PROSER3: variants seen among roughly 807,000 people sequenced by gnomAD.
PROSER3 encodes proline and serine rich 3.
A neutral mutation model predicts 50.2 loss-of-function variants in PROSER3; 33 were observed. That is an observed-to-expected ratio of 0.66 (90% CI 0.50 to 0.88). PROSER3 has a LOEUF of 0.88. PROSER3 is among the 40% of genes least tolerant of loss of function. The pLI, the probability that PROSER3 is intolerant of heterozygous loss-of-function variation, is 0.00. For missense variants in PROSER3, 623 were observed against 612.7 expected (o/e 1.02, Z -0.18); for synonymous variants, 266 against 259.3 (o/e 1.03, Z -0.25).
At chr19:35,760,380 C>A (rs1970917650) in intron 3 of PROSER3, among the ~76,000 whole-genome samples, 1 of 152,270 alleles carries the variant, frequency 6.6e-6, no homozygotes, top group Middle Eastern at 3.4e-3. Flanking sequence ...CCACACCCAG[C>A]AAACCTCCCA....
intron 8 of PROSER3, chr19:35,767,712 C>T (rs1309358596): frequency 7.5e-6 from 11 of 1,474,372 alleles, no homozygotes. Context: ...GAGGGCCCCC[C>T]TCCACCCAAG....
intron 8 of PROSER3, chr19:35,767,576 C>A: frequency 1.7e-6 from 1 of 582,894 alleles, no homozygotes; most frequent in Non-Finnish European, 3.0e-6. Context: ...AGCCCCTCGC[C>A]CAGAGGCTGC....
chr19:35,766,766 A>G lies in PROSER3; in HGVS notation c.770-2A>G. On this transcript the variant is annotated splice_acceptor_variant, in intron 7 of 10. Transcript: ENST00000396908. LOFTEE classifies it high-confidence loss of function. ...CCCTCTCCTCTCTACCTCCCCCTAC[A>G]GCATCCCCGGCACCAGCCCAGGCCC... 1 of 1,545,242 alleles carries G rather than the reference A, an allele frequency of 6.5e-7. No individual in the cohort carries two copies. Among genetic ancestry groups the G allele is most frequent in the Non-Finnish European group, 8.8e-7 (1 of 1,142,690 alleles).
In PROSER3 at chr19:35,762,010, T is replaced by C; in HGVS notation, c.312-9T>C. ...ACTCCACTCACCTCCTATCCCCTGATGTTCACAGGTATATAAACAGGTTCC... is the reference window on the plus strand; with the variant it reads ...ACTCCACTCACCTCCTATCCCCTGACGTTCACAGGTATATAAACAGGTTCC... On this transcript the variant is annotated splice_polypyrimidine_tract_variant and intron_variant, in intron 3 of 10. Coordinates refer to ENST00000396908, the Ensembl canonical transcript of PROSER3. The C allele has an allele frequency of 6.3e-7, 1 of 1,585,236 alleles. No homozygotes were observed. The highest frequency in any genetic ancestry group is 8.6e-7 in the Non-Finnish European group (1 of 1,159,112).
At chr19:35,759,688 C>T in intron 2 of PROSER3, 101 bp from the exon 3 acceptor site, 1 of 1,188,936 alleles carries the variant, frequency 8.4e-7, no homozygotes, top group Non-Finnish European at 1.2e-6. Flanking sequence ...GGATGTGTTT[C>T]CTCCCCTCTG....
rs1388332832 is a variant in PROSER3 at position 35,759,315 on chromosome 19, C to A, written c.12-59C>A. 9.4e-6 allele frequency: 13 copies of A among 1,378,692 alleles called. No individual in the cohort carries two copies. The East Asian group carries it at 2.6e-4, about 28-fold the overall frequency. 85.4% of individuals were successfully genotyped at this position (1,378,692 alleles called of 1,614,324 possible). A position where few individuals can be genotyped will look rare whatever the true frequency, so the allele number is the denominator to read the frequency against. Reference sequence around the variant, plus strand: ...TCTGGTTCTGCCCTCCTCTAATGTCCCCCTCCCCAGGGCTGCGGCGAAACC... The same window carrying A: ...TCTGGTTCTGCCCTCCTCTAATGTCACCCTCCCCAGGGCTGCGGCGAAACC... On this transcript the variant is annotated intron_variant, in intron 1 of 10. Transcript: ENST00000396908.
intron 9 of PROSER3, 21 bp downstream of exon 9, chr19:35,768,086 G>T: frequency 1.3e-6 from 2 of 1,590,196 alleles, no homozygotes; most frequent in East Asian, 2.3e-5. Context: ...CGCCCTCCTG[G>T]ATGTTGGAGG....
chr19:35,768,655 T>G (rs1971256676), exon 11 of PROSER3: 4 of 1,358,784 alleles, frequency 2.9e-6, no homozygotes, highest in Admixed American at 2.5e-5. Context: ...TCATGCCAAT[T>G]TAAGGAAATG....
At chr19:35,763,936 G>A (rs946336050) in intron 5 of PROSER3, among the ~76,000 whole-genome samples, 2 of 151,406 alleles carry the variant, frequency 1.3e-5, no homozygotes, top group Admixed American at 6.6e-5. Context: ...TACAGCATGC[G>A]CCACCATGCC....
chr19:35,761,647 G>T (rs1299035441), intron 3 of PROSER3, among the ~76,000 whole-genome samples: 1 of 152,040 alleles, frequency 6.6e-6, no homozygotes, highest in African/African-American at 2.4e-5. Flanking sequence ...GGCAACAAGA[G>T]CAAAACTCCG....
At chr19:35,758,616 C>G (rs1253392088) in intron 1 of PROSER3, 1 of 246,606 alleles carries the variant, frequency 4.1e-6, no homozygotes, top group Non-Finnish European at 7.7e-6. Context: ...CTTCGTGTCC[C>G]CCAGGAATGT....
chr19:35,758,191 C>G, exon 1 of PROSER3: 1 of 1,557,444 alleles, frequency 6.4e-7, no homozygotes, highest in Non-Finnish European at 8.7e-7. Flanking sequence ...AGCAGAGCGG[C>G]CGGAAGCGCG....
intron 7 of PROSER3, among the ~76,000 whole-genome samples, chr19:35,766,372 C>G (rs1386631446): frequency 6.6e-6 from 1 of 152,036 alleles, no homozygotes; most frequent in Non-Finnish European, 1.5e-5. Flanking sequence ...CAAAGCAAGA[C>G]CCTGTCTCTA....
At chr19:35,767,182 G>C (rs545912703) in intron 8 of PROSER3, 23 of 517,008 alleles carry the variant, frequency 4.4e-5, no homozygotes, top group Non-Finnish European at 6.4e-5. Context: ...TCTATGTGGA[G>C]AGGCCTCCTT....
intron 7 of PROSER3, 25 bp downstream of exon 7, chr19:35,765,201 AG>A: frequency 6.2e-7 from 1 of 1,608,190 alleles, no homozygotes; most frequent in Non-Finnish European, 8.5e-7. Context: ...GCAAAGACTG[AG>A]GGCAGCCTGG....
Position 35,762,562 on chromosome 19 carries a change from A to G in PROSER3, c.543+206A>G, listed in dbSNP as rs531954279. 936 of 402,198 alleles carry G rather than the reference A, an allele frequency of 2.3e-3. 1 individual carries two copies. The highest frequency in any genetic ancestry group is 9.8e-3 in the Middle Eastern group (14 of 1,428). 24.9% of individuals were successfully genotyped at this position (402,198 alleles called of 1,614,324 possible). A position where few individuals can be genotyped will look rare whatever the true frequency, so the allele number is the denominator to read the frequency against. On this transcript the variant is annotated intron_variant, in intron 5 of 10. Transcript: ENST00000396908. ...TGCCTCTACTAAAAAAAAAAAAAAA[A>G]AGAGAGAGAGAGAGAGAACCAGGTG...
At chr19:35,767,288 G>A (rs942021113) in intron 8 of PROSER3, 7 of 315,876 alleles carry the variant, frequency 2.2e-5, no homozygotes, top group Admixed American at 9.3e-5. Context: ...CCTTGGGGCT[G>A]TTCCTCCCAC....
intron 5 of PROSER3, 195 bp downstream of exon 5, chr19:35,762,551 A>G (rs1970991276): frequency 2.1e-6 from 1 of 478,524 alleles, no homozygotes; most frequent in Admixed American, 3.6e-5. Flanking sequence ...TCTACTAAAA[A>G]AAAAAAAAAA....
intron 3 of PROSER3, among the ~76,000 whole-genome samples, chr19:35,761,593 A>G (rs807478): frequency 0.63 from 95,893 of 152,048 alleles, 32,304 homozygotes; most frequent in African/African-American, 0.88. Context: ...ACCAGGAGGC[A>G]GAGGTTGCAG....
Sources: allele counts gnomAD v4.1 joint callset (sites outside exome capture counted in the v4.1 genomes callset), GRCh38; gene constraint gnomAD v4.1.1; transcripts MANE v1.5; gene names NCBI Gene and HGNC (gene_info 2026-07-23, HGNC 2026-07-21).